Variants in FAM162A observed in about 807,000 individuals in gnomAD.
The protein encoded by FAM162A is family with sequence similarity 162 member A.
Under a neutral mutation model 21.8 loss-of-function variants are expected in FAM162A, and 23 were observed. The observed-to-expected ratio is 1.05, with a 90% confidence interval of 0.76 to 1.49. FAM162A has a LOEUF of 1.49. Ranked by LOEUF, FAM162A falls within the 40% of genes most tolerant of loss-of-function variation. The probability of loss-of-function intolerance (pLI) is 0.00; values close to 1 mark genes in which losing one functional copy is unlikely to be tolerated. For missense variants in FAM162A, 165 were observed against 186.4 expected, an observed-to-expected ratio of 0.89 and a Z score of 0.67; for synonymous variants, 53 against 61.3, an observed-to-expected ratio of 0.86 and a Z score of 0.64.
chr3:122,406,171 C>T (rs996223973), intron 3 of FAM162A, among the ~76,000 whole-genome samples: 8 of 152,330 alleles, frequency 5.3e-5, no homozygotes, highest in African/African-American at 9.6e-5. Flanking sequence ...GAGATAATCA[C>T]TTCCTATTTA....
intron 1 of FAM162A, among the ~76,000 whole-genome samples, chr3:122,401,750 G>T (rs1348755053): frequency 6.6e-6 from 1 of 152,108 alleles, no homozygotes; most frequent in Non-Finnish European, 1.5e-5. Context: ...ATGCCTGTTG[G>T]CTGCACGTAT....
chr3:122,405,847 AAGTC>A (rs1347166974), intron 3 of FAM162A, among the ~76,000 whole-genome samples: 5 of 152,174 alleles, frequency 3.3e-5, no homozygotes, highest in Non-Finnish European at 5.9e-5. Context: ...TCAACATGGG[AAGTC>A]AGTTTGTGGT....
At chr3:122,398,768 T>G (rs1355543146) in intron 1 of FAM162A, among the ~76,000 whole-genome samples, 2 of 152,196 alleles carry the variant, frequency 1.3e-5, no homozygotes, top group Non-Finnish European at 2.9e-5. Flanking sequence ...GATTTGATCA[T>G]AATATACTGA....
At position 122,402,847 on chromosome 3, in the gene FAM162A, G is replaced by T. The variant is rs1281738853; in HGVS notation, c.122G>T (p.Cys41Phe). The T allele has an allele frequency of 1.9e-6, 3 of 1,605,598 alleles. No individual in the cohort carries two copies. The highest frequency in any genetic ancestry group is 2.5e-6 in the Non-Finnish European group (3 of 1,176,696). ...GATTTGAAGAGAATAAATGGATTTT[G>T]CACAAAACCACAGGAAAGTCCCGGA... ...SSDLKRINGF[C>F]TKPQESPGAP... Residue 41 changes from cysteine to phenylalanine, a missense_variant, in exon 2 of 5, where the codon TGC becomes TTC. Transcript: ENST00000477892.
At chr3:122,387,231 G>A (rs894329364) in intron 1 of FAM162A, among the ~76,000 whole-genome samples, 2 of 152,176 alleles carry the variant, frequency 1.3e-5, no homozygotes, top group African/African-American at 4.8e-5. Context: ...TCCACAGAAT[G>A]ATTATTAGTT....
intron 1 of FAM162A, among the ~76,000 whole-genome samples, chr3:122,395,016 AAC>A (rs2107697267): frequency 1.3e-5 from 2 of 152,326 alleles, no homozygotes; most frequent in African/African-American, 4.8e-5. Context: ...AAAGGAAAAA[AAC>A]ACATAACCAC....
chr3:122,408,636 T>C (rs2075687822), intron 4 of FAM162A, among the ~76,000 whole-genome samples: 1 of 152,190 alleles, frequency 6.6e-6, no homozygotes, highest in Non-Finnish European at 1.5e-5. Flanking sequence ...TCATTTTTTC[T>C]TGTCTCCCTC....
At chr3:122,394,762 A>T (rs1461831571) in intron 1 of FAM162A, among the ~76,000 whole-genome samples, 1 of 152,198 alleles carries the variant, frequency 6.6e-6, no homozygotes, top group African/African-American at 2.4e-5. Context: ...ACAAAAGAGG[A>T]GGGATCACTT....
intron 1 of FAM162A, among the ~76,000 whole-genome samples, chr3:122,397,667 C>T (rs940538193): frequency 1.3e-5 from 2 of 152,196 alleles, no homozygotes; most frequent in African/African-American, 2.4e-5. Flanking sequence ...CTCTCCTTTT[C>T]TCCCACCTGA....
chr3:122,384,289 C>T lies in FAM162A; in HGVS notation c.24C>T (p.Arg8=), dbSNP rs746403824. The T allele has an allele frequency of 5.7e-6, 9 of 1,579,240 alleles. No homozygotes were observed. The highest frequency in any genetic ancestry group is 1.2e-5 in the South Asian group (1 of 86,084). ...CCATGGGGAGCCTCAGCGGTCTGCG[C>T]CTGGCAGCAGGTGAGACGCCGGTCG... MGSLSGL[R]LAAGSCFRLC... Residue 8 remains arginine (R), a synonymous_variant, in exon 1 of 5, where the codon CGC becomes CGT. Coordinates refer to ENST00000477892, the MANE Select transcript of FAM162A (RefSeq NM_014367.4).
chr3:122,388,475 T>G (rs2075584573), intron 1 of FAM162A, among the ~76,000 whole-genome samples: 1 of 152,176 alleles, frequency 6.6e-6, no homozygotes, highest in Non-Finnish European at 1.5e-5. Flanking sequence ...GCAATTAGTC[T>G]GGAGTTGATT....
chr3:122,392,917 T>C (rs562782419), intron 1 of FAM162A, among the ~76,000 whole-genome samples: 1 of 152,182 alleles, frequency 6.6e-6, no homozygotes, highest in Non-Finnish European at 1.5e-5. Context: ...AAAAATAAAC[T>C]TAACAGTTAG....
At chr3:122,401,719 T>C (rs962977195) in intron 1 of FAM162A, among the ~76,000 whole-genome samples, 2 of 152,174 alleles carry the variant, frequency 1.3e-5, no homozygotes, top group African/African-American at 4.8e-5. Context: ...TAGTGATCAG[T>C]GATGTTACTT....
At chr3:122,387,783 G>A (rs2075581495) in intron 1 of FAM162A, among the ~76,000 whole-genome samples, 1 of 152,044 alleles carries the variant, frequency 6.6e-6, no homozygotes, top group Admixed American at 6.6e-5. Context: ...CTGATTTATT[G>A]CAATGAACAA....
At position 122,395,940 on chromosome 3, in the gene FAM162A, C is replaced by T. The variant is rs145294269; in HGVS notation, c.35-6820C>T. Among the ~76,000 whole-genome samples, 420 of 152,128 alleles carry T rather than the reference C, an allele frequency of 2.8e-3. 2 individuals are homozygous for T. The highest frequency in any genetic ancestry group is 9.8e-3 in the African/African-American group (407 of 41,516). On this transcript the variant is annotated intron_variant, in intron 1 of 4. Coordinates refer to ENST00000477892, the MANE Select transcript of FAM162A (RefSeq NM_014367.4). ...TATATGGCGCTAAAACAACTCAGTG[C>T]GGAAAAGAACAGTCTTTTAAACAAG...
At chr3:122,388,112 A>C (rs1308229761) in intron 1 of FAM162A, among the ~76,000 whole-genome samples, 1 of 152,208 alleles carries the variant, frequency 6.6e-6, no homozygotes, top group African/African-American at 2.4e-5. Context: ...ACTACATACC[A>C]GTTGAATTGC....
chr3:122,387,414 G>A (rs751234364), intron 1 of FAM162A, among the ~76,000 whole-genome samples: 1 of 152,306 alleles, frequency 6.6e-6, no homozygotes, highest in East Asian at 1.9e-4. Context: ...GAGCATTAGA[G>A]TAGAGAGGTA....
At position 122,409,726 on chromosome 3, in the gene FAM162A, TG is replaced by T; in HGVS notation, c.373-12del. ...AGCATACAAATCACCTGTTCAAATC[TG>T]TTTTGCTTTAGGCTGCCCAAAGACA... On this transcript the variant is annotated splice_polypyrimidine_tract_variant and intron_variant, in intron 4 of 4. Transcript: ENST00000477892. 6.2e-7 allele frequency: 1 copy of T among 1,613,262 alleles called. No homozygotes were observed. The highest frequency in any genetic ancestry group is 8.5e-7 in the Non-Finnish European group (1 of 1,179,272).
intron 3 of FAM162A, 76 bp from the exon 4 acceptor site, chr3:122,407,203 TAC>T (rs1191001717): frequency 8.5e-7 from 1 of 1,172,096 alleles, no homozygotes; most frequent in Non-Finnish European, 1.2e-6. Context: ...TTTGAATTTA[TAC>T]ACAGCCTTTT....
Sources: allele counts gnomAD v4.1 joint callset (sites outside exome capture counted in the v4.1 genomes callset), GRCh38; gene constraint gnomAD v4.1.1; transcripts MANE v1.5; gene names NCBI Gene and HGNC (gene_info 2026-07-23, HGNC 2026-07-21).